The following ZNF277 variants were observed in gnomAD, a reference collection of about 807,000 sequenced individuals.
ZNF277 encodes the protein nuclear receptor-interacting factor 4.
A neutral mutation model predicts 60.7 loss-of-function variants in ZNF277; 55 were observed. That is an observed-to-expected ratio of 0.91 (90% CI 0.73 to 1.13). The LOEUF (loss-of-function observed/expected upper bound fraction) is 1.13. ZNF277 is among the 50% of genes most tolerant of loss of function. The pLI is 0.00. For synonymous variants in ZNF277, 178 were observed against 179.3 expected (o/e 0.99, Z 0.06); for missense variants, 510 against 523.0 (o/e 0.98, Z 0.24).
chr7:112,265,662 A>G lies in ZNF277; in HGVS notation c.92-21211A>G, dbSNP rs116218546. On this transcript the variant is annotated intron_variant, in intron 1 of 11. Coordinates refer to ENST00000361822, the MANE Select transcript of ZNF277 (RefSeq NM_021994.3). The stretch of plus-strand genomic sequence containing the variant: ...TGTAAAAAGCACAATAAAGTGAAGT[A>G]TGCCTGTATATGAAGAAAAATCATC... Among the ~76,000 whole-genome samples, 396 of 152,308 alleles carry G rather than the reference A, an allele frequency of 2.6e-3. 2 individuals carry two copies. Among genetic ancestry groups the G allele is most frequent in the African/African-American group, 9.0e-3 (376 of 41,578 alleles).
intron 1 of ZNF277, among the ~76,000 whole-genome samples, chr7:112,268,778 A>AT (rs1342578943): frequency 6.6e-6 from 1 of 152,054 alleles, no homozygotes; most frequent in Non-Finnish European, 1.5e-5. Context: ...TTTACTCTCA[A>AT]TTTTTTTAAG....
At chr7:112,286,783 T>G in intron 1 of ZNF277, 90 bp from the exon 2 acceptor site, 1 of 1,093,080 alleles carries the variant, frequency 9.1e-7, no homozygotes, top group Non-Finnish European at 1.3e-6. Context: ...AGGATCTTTT[T>G]AATGCAGGAG....
chr7:112,239,897 C>T (rs1563201054), intron 1 of ZNF277, among the ~76,000 whole-genome samples: 1 of 152,004 alleles, frequency 6.6e-6, no homozygotes, highest in Non-Finnish European at 1.5e-5. Context: ...CATAGACAGA[C>T]AGTATAATAA....
chr7:112,340,777 A>T (rs1006652033), intron 10 of ZNF277, 95 bp from the exon 11 acceptor site: 5 of 1,035,360 alleles, frequency 4.8e-6, no homozygotes, highest in Non-Finnish European at 7.2e-6. Context: ...CTTCAGGTTG[A>T]TTAATAAAAA....
chr7:112,301,561 T>C (rs1792470757), intron 4 of ZNF277, among the ~76,000 whole-genome samples: 1 of 152,190 alleles, frequency 6.6e-6, no homozygotes, highest in Non-Finnish European at 1.5e-5. Context: ...ATTTATCAAG[T>C]ATGTTAGGTA....
intron 1 of ZNF277, among the ~76,000 whole-genome samples, chr7:112,231,550 G>A (rs1822330622): frequency 6.6e-6 from 1 of 151,530 alleles, no homozygotes; most frequent in Admixed American, 6.6e-5. Context: ...ATGCCATCTG[G>A]TCCAAATGCT....
At chr7:112,231,047 T>C (rs1016455963) in intron 1 of ZNF277, among the ~76,000 whole-genome samples, 1 of 152,070 alleles carries the variant, frequency 6.6e-6, no homozygotes, top group Non-Finnish European at 1.5e-5. Flanking sequence ...ACCCCGTCTC[T>C]ATTAAAAACA....
chr7:112,296,842 C>A (rs1440220481), intron 4 of ZNF277, among the ~76,000 whole-genome samples: 4 of 148,650 alleles, frequency 2.7e-5, no homozygotes, highest in Non-Finnish European at 4.5e-5. Context: ...GATAACAGCA[C>A]ATACAAGCAT....
chr7:112,212,796 T>C (rs1000059072), intron 1 of ZNF277, among the ~76,000 whole-genome samples: 1 of 152,208 alleles, frequency 6.6e-6, no homozygotes, highest in Non-Finnish European at 1.5e-5. Flanking sequence ...CTATGTGCTC[T>C]GCAAGCCTTT....
At chr7:112,300,072 C>T (rs1399139623) in intron 4 of ZNF277, among the ~76,000 whole-genome samples, 2 of 152,096 alleles carry the variant, frequency 1.3e-5, no homozygotes, top group Non-Finnish European at 2.9e-5. Context: ...TTCCCCAAAC[C>T]TCATTTTAAA....
intron 4 of ZNF277, among the ~76,000 whole-genome samples, chr7:112,297,018 C>CCTGGGCTCA (rs1792369109): frequency 6.9e-6 from 1 of 144,352 alleles, no homozygotes; most frequent in South Asian, 2.2e-4. Flanking sequence ...AGCTCCACCT[C>CCTGGGCTCA]CTGGGCTCAC....
intron 1 of ZNF277, among the ~76,000 whole-genome samples, chr7:112,215,457 A>G (rs1821855179): frequency 6.6e-6 from 1 of 152,184 alleles, no homozygotes; most frequent in African/African-American, 2.4e-5. Context: ...TCTATATGGG[A>G]TACAAATGAA....
intron 5 of ZNF277, among the ~76,000 whole-genome samples, chr7:112,321,549 C>A (rs1248307535): frequency 6.6e-6 from 1 of 151,882 alleles, no homozygotes; most frequent in Non-Finnish European, 1.5e-5. Flanking sequence ...ATGTAATTAC[C>A]TTTACTGGTG....
intron 1 of ZNF277, among the ~76,000 whole-genome samples, chr7:112,220,156 T>C (rs1821987617): frequency 3.9e-5 from 6 of 152,230 alleles, no homozygotes. Context: ...ACTGTGGACA[T>C]TTTAATATTC....
At chr7:112,301,693 T>G (rs569771754) in intron 4 of ZNF277, among the ~76,000 whole-genome samples, 5 of 152,230 alleles carry the variant, frequency 3.3e-5, no homozygotes, top group Non-Finnish European at 7.3e-5. Context: ...CCTGTCAAAA[T>G]TAATGACCTC....
chr7:112,288,092 G>A (rs926317826), intron 2 of ZNF277: 2 of 152,158 alleles, frequency 1.3e-5, no homozygotes. Context: ...CACTCAAAAG[G>A]CAGTGTTTGG....
intron 7 of ZNF277, 62 bp from the exon 8 acceptor site, chr7:112,336,042 C>T (rs1160014908): frequency 7.0e-7 from 1 of 1,421,014 alleles, no homozygotes; most frequent in Non-Finnish European, 9.7e-7. Context: ...TTTCAAAGTT[C>T]TACATACTCT....
intron 1 of ZNF277, among the ~76,000 whole-genome samples, chr7:112,263,837 TCCC>T (rs1791488304): frequency 6.6e-6 from 1 of 152,128 alleles, no homozygotes. Context: ...GTGAACACTA[TCCC>T]CTGAGAAATG....
At chr7:112,324,166 T>G (rs1284680233) in intron 5 of ZNF277, among the ~76,000 whole-genome samples, 2 of 152,188 alleles carry the variant, frequency 1.3e-5, no homozygotes, top group Admixed American at 1.3e-4. Flanking sequence ...AAAAAAAATT[T>G]AATATACCTA....
Sources: allele counts gnomAD v4.1 joint callset (sites outside exome capture counted in the v4.1 genomes callset), GRCh38; gene constraint gnomAD v4.1.1; transcripts MANE v1.5; gene names NCBI Gene and HGNC (gene_info 2026-07-23, HGNC 2026-07-21).